WDR44: variants seen among roughly 807,000 people sequenced by gnomAD.
The protein encoded by WDR44 is WD repeat domain 44.
WDR44 carries 9 observed loss-of-function variants against 65.7 expected under a neutral mutation model. The ratio of observed to expected loss-of-function variants is 0.14; its 90% CI spans 0.08 to 0.24. The LOEUF is 0.24. Ranked by LOEUF, WDR44 falls within the 10% of genes least tolerant of loss-of-function variation. WDR44 has a pLI of 1.00. For synonymous variants in WDR44, 220 were observed against 235.2 expected, an observed-to-expected ratio of 0.94 and a Z score of 0.59; for missense variants, 425 against 670.9, an observed-to-expected ratio of 0.63 and a Z score of 4.05.
chrX:118,352,166 T>TG (rs1400841088), intron 1 of WDR44, among the ~76,000 whole-genome samples: 1 of 98,489 alleles, frequency 1.0e-5, no homozygotes, highest in African/African-American at 3.7e-5. Context: ...TTTTTTTTTT[T>TG]GAGACAGGGT....
At chrX:118,374,726 A>G (rs2056642554) in intron 1 of WDR44, among the ~76,000 whole-genome samples, 1 of 111,578 alleles carries the variant, frequency 9.0e-6, no homozygotes, top group African/African-American at 3.3e-5. Context: ...CTACTGACAG[A>G]CTGCCAAAGT....
chrX:118,440,132 A>AAAAAG (rs1556141112), intron 14 of WDR44, among the ~76,000 whole-genome samples: 1 of 108,557 alleles, frequency 9.2e-6, no homozygotes, highest in South Asian at 3.9e-4. Flanking sequence ...AAAAAAAAAA[A>AAAAAG]AAAGAAAGAA....
chrX:118,381,576 CTT>C (rs371445545), intron 2 of WDR44, among the ~76,000 whole-genome samples: 82 of 87,090 alleles, frequency 9.4e-4, no homozygotes, highest in Middle Eastern at 5.6e-3. Context: ...GTTCTTTCTT[CTT>C]TTTTTTTTTT....
At chrX:118,386,784 C>G (rs2056771355) in intron 2 of WDR44, among the ~76,000 whole-genome samples, 1 of 111,557 alleles carries the variant, frequency 9.0e-6, no homozygotes, top group African/African-American at 3.3e-5. Flanking sequence ...AGGTAAATAT[C>G]CTATTGCAGA....
At chrX:118,404,779 C>T (rs971573664) in intron 9 of WDR44, among the ~76,000 whole-genome samples, 1 of 111,542 alleles carries the variant, frequency 9.0e-6, no homozygotes, top group African/African-American at 3.3e-5. Flanking sequence ...CGGCTCACTG[C>T]AAGCTCCACC....
intron 12 of WDR44, among the ~76,000 whole-genome samples, chrX:118,431,714 C>T (rs1195588830): frequency 8.9e-6 from 1 of 111,939 alleles, no homozygotes; most frequent in Non-Finnish European, 1.9e-5. Context: ...CCTAAATATG[C>T]GAGGCTTAGC....
rs1437911201 is a variant in WDR44, at chrX:118,443,687, G to T, written c.2512G>T (p.Ala838Ser). ...DRNDFWEGIKAHNAVVTSAIF... is the reference protein window; with the variant it reads ...DRNDFWEGIKSHNAVVTSAIF... Reference sequence around the variant, plus strand: ...TAATGACTTCTGGGAAGGTATTAAAGGTAAGTACATACTTGCTTTTGTGTG... The same window carrying T: ...TAATGACTTCTGGGAAGGTATTAAATGTAAGTACATACTTGCTTTTGTGTG... The change falls in exon 18 of 20, where the codon GCC becomes TCC. Residue 838 changes from alanine to serine, a missense_variant and splice_region_variant. This residue lies in a region of WDR44 where 73 missense variants were observed against 187.4 expected (regional missense o/e 0.39). Transcript: ENST00000254029. 1.1e-5 allele frequency: 13 copies of T among 1,200,043 alleles called. No homozygotes were observed. The highest frequency in any genetic ancestry group is 1.5e-5 in the Non-Finnish European group (13 of 889,533).
intron 1 of WDR44, among the ~76,000 whole-genome samples, chrX:118,377,723 CTT>C (rs1189608732): frequency 1.3e-4 from 10 of 78,729 alleles, no homozygotes; most frequent in Non-Finnish European, 9.4e-5. Flanking sequence ...TCTTCTCTCT[CTT>C]TTTTTTTTTT....
At chrX:118,447,989 G>A (rs1216294747) in intron 19 of WDR44, among the ~76,000 whole-genome samples, 4 of 104,051 alleles carry the variant, frequency 3.8e-5, no homozygotes, top group African/African-American at 1.4e-4. Flanking sequence ...CATTATTATT[G>A]TGTCTTACAA....
intron 1 of WDR44, among the ~76,000 whole-genome samples, chrX:118,359,297 T>G (rs2056492067): frequency 8.9e-6 from 1 of 112,344 alleles, no homozygotes; most frequent in Admixed American, 9.4e-5. Flanking sequence ...TCTAACCTAC[T>G]TTAACAAATT....
At chrX:118,441,802 G>A (rs2057306846) in intron 15 of WDR44, among the ~76,000 whole-genome samples, 1 of 111,651 alleles carries the variant, frequency 9.0e-6, no homozygotes, top group Non-Finnish European at 1.9e-5. Context: ...GTGCAGTGGA[G>A]CGATCTCGGC....
chrX:118,390,712 CG>C (rs1392872789), intron 3 of WDR44, among the ~76,000 whole-genome samples: 3 of 111,867 alleles, frequency 2.7e-5, no homozygotes, highest in Admixed American at 9.5e-5. Context: ...TCCTACTCCA[CG>C]TAAATATTAG....
chrX:118,431,695 C>G (rs983778132), intron 12 of WDR44, among the ~76,000 whole-genome samples: 1 of 112,119 alleles, frequency 8.9e-6, no homozygotes, highest in Non-Finnish European at 1.9e-5. Flanking sequence ...ATCATCCTAC[C>G]TACCTTTCCC....
At chrX:118,370,524 C>T (rs777418778) in intron 1 of WDR44, among the ~76,000 whole-genome samples, 8 of 110,627 alleles carry the variant, frequency 7.2e-5, no homozygotes, top group Non-Finnish European at 1.3e-4. Flanking sequence ...AGGCCCTCAC[C>T]GGGAGCAGAT....
chrX:118,427,232 G>GGGTA (rs1187667110), intron 12 of WDR44, among the ~76,000 whole-genome samples: 1 of 108,629 alleles, frequency 9.2e-6, no homozygotes, highest in Admixed American at 9.9e-5. Context: ...TCAGTCTCCT[G>GGGTA]GGTAGCTTGT....
chrX:118,388,608 C>A (rs1001386324), intron 3 of WDR44, among the ~76,000 whole-genome samples: 1 of 111,593 alleles, frequency 9.0e-6, no homozygotes, highest in African/African-American at 3.3e-5. Context: ...ATTGATCATA[C>A]TTTTTCCTTT....
At chrX:118,405,685 G>T (rs886892575) in intron 9 of WDR44, among the ~76,000 whole-genome samples, 2 of 111,217 alleles carry the variant, frequency 1.8e-5, no homozygotes, top group Admixed American at 1.9e-4. Context: ...ATATCCATGG[G>T]TTCCACATGG....
At chrX:118,445,125 C>A (rs767804352) in intron 19 of WDR44, 1 of 244,594 alleles carries the variant, frequency 4.1e-6, no homozygotes, top group African/African-American at 3.0e-5. Context: ...GAAACCCCGT[C>A]TCTACTAAAA....
chrX:118,386,545 T>C, intron 2 of WDR44: 1 of 329,057 alleles, frequency 3.0e-6, no homozygotes, highest in Non-Finnish European at 5.7e-6. Flanking sequence ...ATTTCTTTTA[T>C]CTAAAGCATG....
Sources: allele counts gnomAD v4.1 joint callset (sites outside exome capture counted in the v4.1 genomes callset), GRCh38; gene constraint gnomAD v4.1.1; regional missense constraint gnomAD v4.1.1; transcripts MANE v1.5; gene names NCBI Gene and HGNC (gene_info 2026-07-23, HGNC 2026-07-21).